Variants in CDC37L1 observed in about 807,000 individuals in gnomAD.
CDC37L1 encodes cell division cycle 37 like 1, HSP90 cochaperone.
A neutral mutation model predicts 45.9 loss-of-function variants in CDC37L1; 32 were observed. The ratio of observed to expected loss-of-function variants is 0.70; its 90% CI spans 0.53 to 0.94. The LOEUF is 0.94. Among genes scored for constraint, CDC37L1 ranks in the 40% least tolerant of loss-of-function variants. The probability of loss-of-function intolerance (pLI) is 0.00; values close to 1 mark genes in which losing one functional copy is unlikely to be tolerated. For synonymous variants in CDC37L1, 150 were observed against 133.0 expected, an observed-to-expected ratio of 1.13 and a Z score of -0.88; for missense variants, 434 against 405.7, an observed-to-expected ratio of 1.07 and a Z score of -0.60.
Position 4,708,050 on chromosome 9 carries a change from CTG to C in CDC37L1, c.*1942_*1943del, listed in dbSNP as rs1841462063. The C allele has an allele frequency of 6.6e-6, 1 of 152,174 alleles. No individual in the cohort carries two copies. Among genetic ancestry groups the C allele is most frequent in the Non-Finnish European group, 1.5e-5 (1 of 68,022 alleles). 9.4% of individuals were successfully genotyped at this position (152,174 alleles called of 1,614,324 possible). ...ATATTTTTACTTGCAAAAGAATATA[CTG>C]TGTTTTGAGTATGAAAGTGTGATTG... On this transcript the variant is annotated 3_prime_UTR_variant, in exon 7 of 7. Coordinates refer to ENST00000381854, the MANE Select transcript of CDC37L1 (RefSeq NM_017913.4).
intron 4 of CDC37L1, 135 bp downstream of exon 4, chr9:4,697,346 T>TTTTTGC (rs1396723847): frequency 1.6e-6 from 1 of 617,734 alleles, no homozygotes; most frequent in East Asian, 3.0e-5. Context: ...GAATTACCAT[T>TTTTTGC]TTTTGCTTCC....
intron 3 of CDC37L1, among the ~76,000 whole-genome samples, chr9:4,688,945 C>G (rs1245298289): frequency 6.6e-6 from 1 of 151,758 alleles, no homozygotes; most frequent in Non-Finnish European, 1.5e-5. Context: ...ATCTGATTAT[C>G]TTATGTTTTA....
chr9:4,679,798 T>C lies in CDC37L1; in HGVS notation c.31T>C (p.Trp11Arg). 1 of 1,613,596 alleles carries C rather than the reference T, an allele frequency of 6.2e-7. No homozygotes were observed. The highest frequency in any genetic ancestry group is 1.1e-5 in the South Asian group (1 of 91,068). MEQPWPPPGPWSLPRAEGEAE... is the reference protein window; with the variant it reads MEQPWPPPGPRSLPRAEGEAE... ...ACAACCGTGGCCGCCTCCGGGACCC[T>C]GGAGCCTCCCTCGGGCCGAGGGTGA... The change falls in exon 1 of 7, where the codon TGG (tryptophan) becomes CGG (arginine). Residue 11 changes from tryptophan to arginine, a missense_variant. Physicochemically the swap from Trp to Arg is moderately radical, Grantham distance 101. Coordinates refer to ENST00000381854, the MANE Select transcript of CDC37L1 (RefSeq NM_017913.4).
At chr9:4,680,120 C>G (rs1403556492) in intron 1 of CDC37L1, among the ~76,000 whole-genome samples, 1 of 152,216 alleles carries the variant, frequency 6.6e-6, no homozygotes, top group Admixed American at 6.5e-5. Flanking sequence ...CACCTCCACG[C>G]ACATGTTTTC....
At chr9:4,691,916 C>T (rs1841304327) in intron 3 of CDC37L1, among the ~76,000 whole-genome samples, 1 of 152,134 alleles carries the variant, frequency 6.6e-6, no homozygotes. Flanking sequence ...CCGTTATATT[C>T]ACAGTTATAT....
chr9:4,682,276 C>T (rs2130841445), intron 1 of CDC37L1, among the ~76,000 whole-genome samples: 1 of 148,648 alleles, frequency 6.7e-6, no homozygotes, highest in East Asian at 2.0e-4. Flanking sequence ...GATTCTCCTG[C>T]CTCAGCCTCC....
rs1316526371 is a variant in CDC37L1, at chr9:4,679,864, C to T, written c.97C>T (p.Pro33Ser). The change falls in exon 1 of 7, where the codon CCC becomes TCC. Residue 33 changes from proline to serine, a missense_variant. Pro to Ser is a moderately conservative substitution (Grantham distance 74). Coordinates refer to ENST00000381854, the MANE Select transcript of CDC37L1 (RefSeq NM_017913.4). Reference sequence around the variant, plus strand: ...TGACTTCGACGTGTTCCCCAGTTCTCCCCGCTGCCCGCAGCTGCCAGGCGG... The same window carrying T: ...TGACTTCGACGTGTTCCCCAGTTCTTCCCGCTGCCCGCAGCTGCCAGGCGG... ...ESDFDVFPSSPRCPQLPGGGA... is the reference protein window; with the variant it reads ...ESDFDVFPSSSRCPQLPGGGA... 1 of 1,613,832 alleles carries T rather than the reference C, an allele frequency of 6.2e-7. No individual in the cohort carries two copies. The highest frequency in any genetic ancestry group is 1.3e-5 in the African/African-American group (1 of 74,944).
At chr9:4,694,021 A>G (rs375396554) in intron 3 of CDC37L1, among the ~76,000 whole-genome samples, 3 of 152,334 alleles carry the variant, frequency 2.0e-5, no homozygotes, top group East Asian at 3.9e-4. Flanking sequence ...TTTGTTTACA[A>G]ATTCCAAAAT....
rs939628288 is a variant in CDC37L1 at position 4,685,917 on chromosome 9, C to T, written c.414+759C>T. ...GTTGTCCACACCTGTAATCCCAGCG[C>T]TTTGGGAGGCCAAGGCAGGCAGATC... On this transcript the variant is annotated intron_variant, in intron 2 of 6. Coordinates refer to ENST00000381854, the MANE Select transcript of CDC37L1 (RefSeq NM_017913.4). Among the ~76,000 whole-genome samples the T allele has an allele frequency of 3.3e-5, 5 of 152,174 alleles. 1 individual carries two copies. The South Asian group carries it at 1.0e-3, about 31-fold the overall frequency.
Position 4,708,272 on chromosome 9 carries a change from C to T in CDC37L1, c.*2160C>T, listed in dbSNP as rs1841466105. 1 of 151,606 alleles carries T rather than the reference C, an allele frequency of 6.6e-6. No homozygotes were observed. Among genetic ancestry groups the T allele is most frequent in the African/African-American group, 2.4e-5 (1 of 41,220 alleles). The allele number at this position is 151,606 out of a possible 1,614,324, so 9.4% of individuals were successfully genotyped here. A position where few individuals can be genotyped will look rare whatever the true frequency, so the allele number is the denominator to read the frequency against. On this transcript the variant is annotated 3_prime_UTR_variant, in exon 7 of 7. Transcript: ENST00000381854. ...TTATATTTCAGGTTGGACAATTTACCCTAAACAAATTAAACCATGGAAAGT... is the reference window on the plus strand; with the variant it reads ...TTATATTTCAGGTTGGACAATTTACTCTAAACAAATTAAACCATGGAAAGT...
chr9:4,695,108 C>G (rs1841335079), intron 3 of CDC37L1, among the ~76,000 whole-genome samples: 1 of 152,156 alleles, frequency 6.6e-6, no homozygotes, highest in African/African-American at 2.4e-5. Flanking sequence ...TAAGGCAAAA[C>G]TGCTTCATAG....
At chr9:4,695,080 C>T (rs776641017) in intron 3 of CDC37L1, among the ~76,000 whole-genome samples, 1 of 152,138 alleles carries the variant, frequency 6.6e-6, no homozygotes, top group Non-Finnish European at 1.5e-5. Context: ...TATTACCTCT[C>T]CAGAAGTGTA....
chr9:4,695,063 T>A (rs1476377374), intron 3 of CDC37L1, among the ~76,000 whole-genome samples: 1 of 152,028 alleles, frequency 6.6e-6, no homozygotes, highest in Non-Finnish European at 1.5e-5. Flanking sequence ...GTAGATAGAG[T>A]TGAAAATATT....
Position 4,679,626 on chromosome 9 carries a change from C to G in CDC37L1, c.-142C>G. ...TGTCGCCGGGTGTGCAGCGGCGTCG[C>G]GGCCAGTAGAGGGATTCTGGGTAAC... On this transcript the variant is annotated 5_prime_UTR_variant, in exon 1 of 7. Transcript: ENST00000381854. 2 of 707,668 alleles carry G rather than the reference C, an allele frequency of 2.8e-6. No homozygotes were observed. The highest frequency in any genetic ancestry group is 6.3e-5 in the East Asian group (2 of 31,880). The allele number at this position is 707,668 out of a possible 1,614,324, so 43.8% of individuals were successfully genotyped here. A position where few individuals can be genotyped will look rare whatever the true frequency, so the allele number is the denominator to read the frequency against.
chr9:4,695,836 G>C (rs1190942740), intron 3 of CDC37L1, among the ~76,000 whole-genome samples: 1 of 152,156 alleles, frequency 6.6e-6, no homozygotes, highest in Admixed American at 6.5e-5. Context: ...TGTCGCCCAG[G>C]CTGGAGTGCT....
rs1045200187 is a variant in CDC37L1, at chr9:4,706,980, C to T, written c.*868C>T. On this transcript the variant is annotated 3_prime_UTR_variant, in exon 7 of 7. Transcript: ENST00000381854. ...ATTTGTAGTTATTTTACTCATGTTG[C>T]CTTTTAATTTTTGTTATTTTGGTTT... 1 of 151,938 alleles carries T rather than the reference C, an allele frequency of 6.6e-6. No homozygotes were observed. The highest frequency in any genetic ancestry group is 2.4e-5 in the African/African-American group (1 of 41,374). 9.4% of individuals were successfully genotyped at this position (151,938 alleles called of 1,614,324 possible). A position where few individuals can be genotyped will look rare whatever the true frequency, so the allele number is the denominator to read the frequency against.
rs1184195403 is a variant in CDC37L1, at chr9:4,701,983, C to T, written c.867C>T (p.Pro289=). ...FQPMTVQNHV[P]HSGVGSIGLL... ...CTATGACAGTTCAGAATCATGTTCC[C>T]CATTCTGGTGTTGGATCTATAGGTT... is the stretch of plus-strand genomic sequence containing the variant. Residue 289 remains proline, a synonymous_variant, in exon 6 of 7, where the codon CCC becomes CCT. Transcript: ENST00000381854. The T allele has an allele frequency of 2.3e-5, 36 of 1,538,990 alleles. No homozygotes were observed. Among genetic ancestry groups the T allele is most frequent in the Non-Finnish European group, 3.1e-5 (35 of 1,146,944 alleles).
chr9:4,695,672 T>G (rs115064119), intron 3 of CDC37L1, among the ~76,000 whole-genome samples: 2,125 of 152,114 alleles, frequency 0.014, 63 homozygotes, highest in African/African-American at 0.048. Flanking sequence ...TTTTTAAGCT[T>G]TTTCTGTAGA....
chr9:4,688,655 G>A (rs1237203205), intron 3 of CDC37L1, 49 bp downstream of exon 3: 1 of 1,169,816 alleles, frequency 8.5e-7, no homozygotes. Flanking sequence ...GGTATCATAT[G>A]TACATGTGCA....
Sources: allele counts gnomAD v4.1 joint callset (sites outside exome capture counted in the v4.1 genomes callset), GRCh38; gene constraint gnomAD v4.1.1; transcripts MANE v1.5; gene names NCBI Gene and HGNC (gene_info 2026-07-23, HGNC 2026-07-21).